Variants in TRIO observed in about 807,000 individuals in gnomAD.
The protein encoded by TRIO is triple functional domain protein.
Under a neutral mutation model 351.9 loss-of-function variants are expected in TRIO, and 58 were observed. That is an observed-to-expected ratio of 0.16 (90% confidence interval 0.13 to 0.21). The LOEUF (loss-of-function observed/expected upper bound fraction) is 0.21. Ranked by LOEUF, TRIO falls within the 10% of genes least tolerant of loss-of-function variation. The probability of loss-of-function intolerance (pLI) is 1.00; values close to 1 mark genes in which losing one functional copy is unlikely to be tolerated. For synonymous variants in TRIO, 1,758 were observed against 1,595.7 expected (o/e 1.10, Z -2.42); for missense variants, 3,201 against 4,027.8 (o/e 0.79, Z 5.56).
At chr5:14,429,271 G>A (rs918088061) in intron 34 of TRIO, among the ~76,000 whole-genome samples, 7 of 152,210 alleles carry the variant, frequency 4.6e-5, no homozygotes, top group Admixed American at 4.6e-4. Context: ...TAACACAGCA[G>A]CCAGGCGCTG....
rs1294234947 is a variant in TRIO, at chr5:14,504,501, G to C, written c.8520G>C (p.Glu2840Asp). The change falls in exon 55 of 57, where the codon GAG (glutamate) becomes GAC (aspartate). Residue 2840 changes from glutamate to aspartate, a missense_variant. Physicochemically the swap from Glu to Asp is conservative, Grantham distance 45 (BLOSUM62 2). This residue lies in a region of TRIO where 1,089 missense variants were observed against 954.9 expected (regional missense o/e 1.14). Coordinates refer to ENST00000344204, the MANE Select transcript of TRIO (RefSeq NM_007118.4). ...TGAAGCGCGACCAGGTCACCCATGA[G>C]CTTGGCATCCTGCAGAGCCTCCAGC... ...KLMKRDQVTH[E>D]LGILQSLQHP... 1 of 1,614,136 alleles carries C rather than the reference G, an allele frequency of 6.2e-7. No homozygotes were observed. The highest frequency in any genetic ancestry group is 8.5e-7 in the Non-Finnish European group (1 of 1,180,020).
chr5:14,430,197 A>C (rs1204930069), intron 34 of TRIO, among the ~76,000 whole-genome samples: 2 of 137,418 alleles, frequency 1.5e-5, no homozygotes, highest in Admixed American at 1.5e-4. Flanking sequence ...TTTTTTTTTT[A>C]ATTTTTTTAC....
chr5:14,179,993 C>T lies in TRIO; in HGVS notation c.157+36111C>T, dbSNP rs138449735. ...GCACGCGCCTATAATCCCAGCCACT[C>T]GGGAGGCTGAGGCTGGAGAATCGCT... On this transcript the variant is annotated intron_variant, in intron 1 of 56. Coordinates refer to ENST00000344204, the MANE Select transcript of TRIO (RefSeq NM_007118.4). Among the ~76,000 whole-genome samples the T allele has an allele frequency of 4.7e-3, 673 of 144,428 alleles. 5 individuals carry two copies. The highest frequency in any genetic ancestry group is 0.016 in the African/African-American group (632 of 38,794). The allele number at this position is 144,428 out of a possible 152,430, so 94.8% of individuals were successfully genotyped here.
chr5:14,269,676 A>G (rs192104263), intron 1 of TRIO, among the ~76,000 whole-genome samples: 2 of 147,790 alleles, frequency 1.4e-5, no homozygotes. Flanking sequence ...GTCGTTTTTT[A>G]TAAATGTTCC....
chr5:14,168,476 C>G (rs1020655588), intron 1 of TRIO, among the ~76,000 whole-genome samples: 1 of 152,210 alleles, frequency 6.6e-6, no homozygotes, highest in Non-Finnish European at 1.5e-5. Context: ...CTTACACAGC[C>G]TGATATAAAT....
At chr5:14,466,180 G>A (rs1181507640) in intron 37 of TRIO, 1 of 159,568 alleles carries the variant, frequency 6.3e-6, no homozygotes, top group African/African-American at 2.4e-5. Context: ...ACATTCCAAG[G>A]ACTTACAAGT....
chr5:14,223,498 A>G (rs2152211667), intron 1 of TRIO, among the ~76,000 whole-genome samples: 1 of 152,308 alleles, frequency 6.6e-6, no homozygotes, highest in East Asian at 1.9e-4. Flanking sequence ...CAAGGCAAGC[A>G]TTGGGAACAG....
chr5:14,155,964 G>A (rs1345209721), intron 1 of TRIO, among the ~76,000 whole-genome samples: 1 of 151,982 alleles, frequency 6.6e-6, no homozygotes, highest in African/African-American at 2.4e-5. Context: ...TTCTAACTTT[G>A]TAATTCCTTT....
At chr5:14,304,713 C>A in intron 8 of TRIO, 121 bp downstream of exon 8, 1 of 1,175,222 alleles carries the variant, frequency 8.5e-7, no homozygotes, top group East Asian at 2.4e-5. Context: ...TCGAGTTAGA[C>A]TGCAGTTTAA....
At chr5:14,274,590 G>C (rs1375240925) in intron 2 of TRIO, among the ~76,000 whole-genome samples, 4 of 152,098 alleles carry the variant, frequency 2.6e-5, no homozygotes, top group Admixed American at 2.0e-4. Context: ...CCCGTAAAGA[G>C]AGATGTCCCA....
At chr5:14,403,531 T>G (rs868218662) in intron 31 of TRIO, among the ~76,000 whole-genome samples, 178 of 17,544 alleles carry the variant, frequency 0.01, no homozygotes, top group South Asian at 0.017. Context: ...GGGTGCAGGT[T>G]GTGGTGAGGG....
At chr5:14,153,174 G>A (rs780438653) in intron 1 of TRIO, among the ~76,000 whole-genome samples, 45 of 152,202 alleles carry the variant, frequency 3.0e-4, no homozygotes, top group Non-Finnish European at 5.6e-4. Flanking sequence ...CAGAGTGGAC[G>A]ATGGAGGCTT....
chr5:14,312,937 C>G (rs949883650), intron 8 of TRIO, among the ~76,000 whole-genome samples: 3 of 152,170 alleles, frequency 2.0e-5, no homozygotes, highest in African/African-American at 4.8e-5. Flanking sequence ...ATTACAAAGA[C>G]TAAGACATTT....
intron 1 of TRIO, among the ~76,000 whole-genome samples, chr5:14,216,504 CAA>C (rs1410925739): frequency 6.6e-6 from 1 of 152,160 alleles, no homozygotes; most frequent in East Asian, 1.9e-4. Flanking sequence ...CCAATCATTC[CAA>C]AAGAGCTGAA....
At chr5:14,303,472 G>C (rs947398235) in intron 7 of TRIO, among the ~76,000 whole-genome samples, 1 of 149,572 alleles carries the variant, frequency 6.7e-6, no homozygotes, top group Non-Finnish European at 1.5e-5. Flanking sequence ...CCGCAGGACT[G>C]TTGATGATCC....
At chr5:14,380,373 CCAGGTCCAGGAGGCGCAGACCTCTG>C (rs750598843) in intron 20 of TRIO, among the ~76,000 whole-genome samples, 1 of 152,140 alleles carries the variant, frequency 6.6e-6, no homozygotes, top group Non-Finnish European at 1.5e-5. Flanking sequence ...CGCTCCTGCA[CCAGGTCCAGGAGGCGCAGACCTCTG>C]GGTTTCTCAG....
intron 1 of TRIO, among the ~76,000 whole-genome samples, chr5:14,182,523 A>T (rs1283595351): frequency 6.6e-6 from 1 of 152,232 alleles, no homozygotes; most frequent in Non-Finnish European, 1.5e-5. Context: ...GTGGTAATAC[A>T]TACATGATTC....
At chr5:14,431,213 G>T (rs1751094376) in intron 34 of TRIO, among the ~76,000 whole-genome samples, 1 of 152,176 alleles carries the variant, frequency 6.6e-6, no homozygotes, top group African/African-American at 2.4e-5. Flanking sequence ...TGCTGGGCTG[G>T]CTGCCTGGGG....
chr5:14,239,020 T>G (rs1258098651), intron 1 of TRIO, among the ~76,000 whole-genome samples: 1 of 152,238 alleles, frequency 6.6e-6, no homozygotes, highest in Non-Finnish European at 1.5e-5. Context: ...GTTGGACTTA[T>G]TTTTCCATAC....
Sources: allele counts gnomAD v4.1 joint callset (sites outside exome capture counted in the v4.1 genomes callset), GRCh38; gene constraint gnomAD v4.1.1; regional missense constraint gnomAD v4.1.1; transcripts MANE v1.5; gene names NCBI Gene and HGNC (gene_info 2026-07-23, HGNC 2026-07-21).